The following USP10 variants were observed in gnomAD, a reference collection of about 807,000 sequenced individuals.
The protein encoded by USP10 is ubiquitin carboxyl-terminal hydrolase 10.
A neutral mutation model predicts 84.5 loss-of-function variants in USP10; 22 were observed. The observed-to-expected ratio is 0.26, with a 90% CI of 0.19 to 0.37. The LOEUF (loss-of-function observed/expected upper bound fraction) is 0.37. Among genes scored for constraint, USP10 ranks in the 10% least tolerant of loss-of-function variants. USP10 has a pLI of 1.00. For synonymous variants in USP10, 454 were observed against 387.6 expected (o/e 1.17, Z -2.01); for missense variants, 1,019 against 998.9 (o/e 1.02, Z -0.27).
chr16:84,743,764 C>T (rs1053760028), intron 3 of USP10, among the ~76,000 whole-genome samples: 1 of 152,164 alleles, frequency 6.6e-6, no homozygotes, highest in East Asian at 1.9e-4. Flanking sequence ...ATACGTCTGT[C>T]TTAGCAGGAA....
At chr16:84,755,445 C>A (rs1912421696) in intron 4 of USP10, among the ~76,000 whole-genome samples, 1 of 151,740 alleles carries the variant, frequency 6.6e-6, no homozygotes, top group Non-Finnish European at 1.5e-5. Flanking sequence ...TTCACTCCTA[C>A]ACGCTGCCCC....
chr16:84,728,980 G>A (rs1270063436), intron 1 of USP10, among the ~76,000 whole-genome samples: 1 of 111,160 alleles, frequency 9.0e-6, no homozygotes, highest in Non-Finnish European at 2.4e-5. Flanking sequence ...TGTATTTTTA[G>A]TGGAGGTGGA....
intron 2 of USP10, among the ~76,000 whole-genome samples, chr16:84,736,941 ACCTCGCC>A (rs1306480902): frequency 4.6e-5 from 7 of 152,132 alleles, no homozygotes; most frequent in African/African-American, 1.7e-4. Context: ...GGCGTCCGCC[ACCTCGCC>A]CGGCTAATTT....
intron 12 of USP10, among the ~76,000 whole-genome samples, chr16:84,773,909 G>C (rs573366256): frequency 1.3e-5 from 2 of 152,266 alleles, no homozygotes; most frequent in Non-Finnish European, 2.9e-5. Context: ...TTTCTTGCTT[G>C]CTGTATTTTT....
chr16:84,725,090 T>G (rs1908282666), intron 1 of USP10, among the ~76,000 whole-genome samples: 1 of 152,204 alleles, frequency 6.6e-6, no homozygotes, highest in South Asian at 2.1e-4. Flanking sequence ...TTTCAGTGGT[T>G]TTTAGTGTAT....
At chr16:84,763,274 C>G (rs1383231024) in intron 9 of USP10, among the ~76,000 whole-genome samples, 186 bp downstream of exon 9, 1 of 152,182 alleles carries the variant, frequency 6.6e-6, no homozygotes, top group Non-Finnish European at 1.5e-5. Flanking sequence ...TCCCGAACCT[C>G]TGCCATTTTC....
At position 84,718,557 on chromosome 16, in the gene USP10, A is replaced by G. The variant is rs113294300; in HGVS notation, c.22-14878A>G. Among the ~76,000 whole-genome samples, 432 of 152,220 alleles carry G rather than the reference A, an allele frequency of 2.8e-3. 4 individuals are homozygous for G. The highest frequency in any genetic ancestry group is 8.2e-3 in the African/African-American group (342 of 41,548). On this transcript the variant is annotated intron_variant, in intron 1 of 13. Coordinates refer to ENST00000219473, the MANE Select transcript of USP10 (RefSeq NM_005153.3). ...GTGGATCACCTGTCAGGAGTTCAAGACCATCCTGGCCAACATGGTAAAACC... is the reference window on the plus strand; with the variant it reads ...GTGGATCACCTGTCAGGAGTTCAAGGCCATCCTGGCCAACATGGTAAAACC...
intron 1 of USP10, among the ~76,000 whole-genome samples, chr16:84,726,624 A>G (rs1908516657): frequency 6.6e-6 from 1 of 151,958 alleles, no homozygotes; most frequent in South Asian, 2.1e-4. Context: ...TTTCTTGTAT[A>G]TTTTTTTCCA....
At chr16:84,752,990 A>G (rs1305851334) in intron 4 of USP10, among the ~76,000 whole-genome samples, 1 of 152,024 alleles carries the variant, frequency 6.6e-6, no homozygotes, top group Non-Finnish European at 1.5e-5. Flanking sequence ...CTTAAGAAAC[A>G]GGGTCTTGCT....
chr16:84,758,615 A>C, intron 4 of USP10, 101 bp from the exon 5 acceptor site: 1 of 823,316 alleles, frequency 1.2e-6, no homozygotes, highest in Non-Finnish European at 2.1e-6. Context: ...GTTTTACTGA[A>C]GGGATTTTAA....
intron 8 of USP10, among the ~76,000 whole-genome samples, chr16:84,761,854 C>T (rs1479818576): frequency 6.6e-6 from 1 of 152,264 alleles, no homozygotes; most frequent in Non-Finnish European, 1.5e-5. Flanking sequence ...CCAAGGAGAG[C>T]CACCCAGGCC....
chr16:84,704,744 T>C (rs1433022560), intron 1 of USP10: 28 of 1,531,422 alleles, frequency 1.8e-5, no homozygotes, highest in Non-Finnish European at 2.2e-5. Flanking sequence ...TGAAAGCTCC[T>C]GGGCCATGAT....
chr16:84,769,507 G>T (rs1914203567), intron 11 of USP10, among the ~76,000 whole-genome samples: 2 of 152,234 alleles, frequency 1.3e-5, no homozygotes, highest in South Asian at 4.1e-4. Flanking sequence ...GAGTCTGGCG[G>T]TGGACCTCGT....
At chr16:84,744,267 A>G (rs1164460156) in intron 3 of USP10, among the ~76,000 whole-genome samples, 6 of 152,164 alleles carry the variant, frequency 3.9e-5, no homozygotes, top group Admixed American at 3.9e-4. Context: ...GTTGTCCAAA[A>G]TACATATTCC....
chr16:84,764,376 A>G, intron 10 of USP10, 113 bp downstream of exon 10: 3 of 1,410,786 alleles, frequency 2.1e-6, no homozygotes, highest in Middle Eastern at 1.8e-4. Context: ...AATGGTTTGC[A>G]TCTTGCTCCC....
chr16:84,740,401 G>C lies in USP10; in HGVS notation c.151+32G>C, dbSNP rs1910488494. 4 of 1,599,464 alleles carry C rather than the reference G, an allele frequency of 2.5e-6. No homozygotes were observed. The Admixed American group carries it at 6.8e-5, about 27-fold the overall frequency. ...TAGTTCTCTCCTTATTTCCCTGAAG[G>C]GAATTTGGCCATACGTGCTGGGTGG... On this transcript the variant is annotated intron_variant, in intron 3 of 13. Transcript: ENST00000219473.
chr16:84,722,150 G>A (rs1310156941), intron 1 of USP10, among the ~76,000 whole-genome samples: 1 of 152,200 alleles, frequency 6.6e-6, no homozygotes, highest in Admixed American at 6.5e-5. Flanking sequence ...TGTCACTATA[G>A]GCTAAGAAAG....
At chr16:84,704,071 G>A (rs1441574642) in intron 1 of USP10, among the ~76,000 whole-genome samples, 2 of 152,248 alleles carry the variant, frequency 1.3e-5, no homozygotes, top group Non-Finnish European at 2.9e-5. Context: ...ACGTTGCACT[G>A]TGCTGTGCTC....
intron 1 of USP10, among the ~76,000 whole-genome samples, chr16:84,702,993 CAA>C (rs1157728872): frequency 6.7e-4 from 35 of 52,172 alleles, no homozygotes; most frequent in African/African-American, 2.4e-3. Flanking sequence ...ACTCCCGTCT[CAA>C]AAAAAAAAAA....
Sources: allele counts gnomAD v4.1 joint callset (sites outside exome capture counted in the v4.1 genomes callset), GRCh38; gene constraint gnomAD v4.1.1; transcripts MANE v1.5; gene names NCBI Gene and HGNC (gene_info 2026-07-23, HGNC 2026-07-21).